The following MINDY2 variants were observed in gnomAD, a reference collection of about 807,000 sequenced individuals.
MINDY2 encodes MINDY lysine 48 deubiquitinase 2.
MINDY2 carries 52 observed loss-of-function variants against 68.2 expected under a neutral mutation model. The observed-to-expected ratio is 0.76, with a 90% confidence interval of 0.61 to 0.96. The LOEUF is 0.96. Among genes scored for constraint, MINDY2 ranks in the 40% least tolerant of loss-of-function variants. The pLI is 0.00. For synonymous variants in MINDY2, 372 were observed against 303.0 expected, an observed-to-expected ratio of 1.23 and a Z score of -2.36; for missense variants, 881 against 773.4, an observed-to-expected ratio of 1.14 and a Z score of -1.65.
chr15:58,812,969 C>G (rs2030400070), intron 4 of MINDY2, among the ~76,000 whole-genome samples: 2 of 152,204 alleles, frequency 1.3e-5, no homozygotes, highest in African/African-American at 4.8e-5. Flanking sequence ...CTCTCACACC[C>G]TTACCCTCTT....
At chr15:58,846,370 G>T (rs2032536754) in intron 6 of MINDY2, among the ~76,000 whole-genome samples, 1 of 152,026 alleles carries the variant, frequency 6.6e-6, no homozygotes, top group Non-Finnish European at 1.5e-5. Flanking sequence ...GAGGCGGGTG[G>T]ATCACGAGGT....
At chr15:58,798,043 C>T (rs1902398303) in intron 2 of MINDY2, among the ~76,000 whole-genome samples, 1 of 152,124 alleles carries the variant, frequency 6.6e-6, no homozygotes, top group Non-Finnish European at 1.5e-5. Flanking sequence ...AAAATACATC[C>T]CTCTTACACC....
rs431414 is a variant in MINDY2, at chr15:58,855,601, C to T, written c.*991C>T. 0.18 allele frequency: 27,956 copies of T among 152,576 alleles called. 2,867 individuals are homozygous for T. The highest frequency in any genetic ancestry group is 0.39 in the South Asian group (1,895 of 4,826). 9.5% of individuals were successfully genotyped at this position (152,576 alleles called of 1,614,324 possible). On this transcript the variant is annotated 3_prime_UTR_variant, in exon 9 of 9. Coordinates refer to ENST00000559228, the MANE Select transcript of MINDY2 (RefSeq NM_001040450.3). ...TCTGAAATGAAGTTAGAGATAATCT[C>T]TGTGTCTTATAAAAAGACATTAATA...
chr15:58,790,528 A>G (rs1349201111), intron 2 of MINDY2, among the ~76,000 whole-genome samples: 1 of 152,200 alleles, frequency 6.6e-6, no homozygotes, highest in Non-Finnish European at 1.5e-5. Flanking sequence ...GAGGACTGAC[A>G]TGATCTAACT....
intron 1 of MINDY2, among the ~76,000 whole-genome samples, chr15:58,783,726 TG>T (rs1259101169): frequency 6.6e-6 from 1 of 152,104 alleles, no homozygotes; most frequent in African/African-American, 2.4e-5. Flanking sequence ...AGCAGAAGTC[TG>T]GGCTCCTGCT....
At chr15:58,808,457 T>A (rs950588365) in intron 3 of MINDY2, among the ~76,000 whole-genome samples, 1 of 152,210 alleles carries the variant, frequency 6.6e-6, no homozygotes, top group African/African-American at 2.4e-5. Context: ...TTTGGAATTA[T>A]ACAGTATGTA....
intron 6 of MINDY2, among the ~76,000 whole-genome samples, chr15:58,832,329 C>T (rs1448560618): frequency 3.4e-5 from 5 of 148,670 alleles, no homozygotes; most frequent in Non-Finnish European, 7.4e-5. Context: ...CAGGTTCAGG[C>T]GCTTCTCCTA....
chr15:58,806,093 A>G (rs957035707), intron 3 of MINDY2, among the ~76,000 whole-genome samples: 3 of 152,338 alleles, frequency 2.0e-5, no homozygotes, highest in South Asian at 4.1e-4. Context: ...ACAAAAGAAA[A>G]GACAAAGTCT....
At chr15:58,848,799 T>G (rs1228493187) in intron 7 of MINDY2, among the ~76,000 whole-genome samples, 1 of 152,254 alleles carries the variant, frequency 6.6e-6, no homozygotes, top group Non-Finnish European at 1.5e-5. Flanking sequence ...TCTAGGACTT[T>G]TCTTTGAAAA....
intron 2 of MINDY2, among the ~76,000 whole-genome samples, chr15:58,795,019 C>T (rs1352690484): frequency 3.3e-5 from 5 of 151,496 alleles, no homozygotes; most frequent in African/African-American, 4.9e-5. Context: ...ACTAAAAATA[C>T]AAAAAAATTA....
At chr15:58,772,307 G>A (rs1202251176) in intron 1 of MINDY2, 72 bp downstream of exon 1, 1 of 1,580,694 alleles carries the variant, frequency 6.3e-7, no homozygotes, top group Non-Finnish European at 8.5e-7. Context: ...GCTGCTGCAT[G>A]TCAGGTGATG....
At chr15:58,850,019 G>C (rs1484165059) in intron 7 of MINDY2, among the ~76,000 whole-genome samples, 1 of 152,174 alleles carries the variant, frequency 6.6e-6, no homozygotes, top group Non-Finnish European at 1.5e-5. Flanking sequence ...TTACAGGCGT[G>C]AGCCACTGCA....
intron 6 of MINDY2, among the ~76,000 whole-genome samples, chr15:58,832,318 C>T (rs1412134034): frequency 6.7e-6 from 1 of 149,526 alleles, no homozygotes; most frequent in Non-Finnish European, 1.5e-5. Flanking sequence ...CCTCTGCCTC[C>T]CAGGTTCAGG....
intron 1 of MINDY2, among the ~76,000 whole-genome samples, chr15:58,786,989 C>G (rs1392472602): frequency 3.9e-5 from 6 of 152,066 alleles, no homozygotes; most frequent in Admixed American, 2.0e-4. Flanking sequence ...GCCACCATGC[C>G]CAGCTAATTT....
At chr15:58,854,382 C>G in intron 8 of MINDY2, 100 bp from the exon 9 acceptor site, 1 of 1,344,938 alleles carries the variant, frequency 7.4e-7, no homozygotes, top group Non-Finnish European at 1.0e-6. Flanking sequence ...CTTTTTCCAT[C>G]AGTGATTCCT....
chr15:58,783,989 G>C (rs1387986707), intron 1 of MINDY2, among the ~76,000 whole-genome samples: 1 of 151,976 alleles, frequency 6.6e-6, no homozygotes, highest in Admixed American at 6.6e-5. Flanking sequence ...AGTCGGAGTA[G>C]CTATTTTCTT....
At chr15:58,838,450 G>C (rs1443749270) in intron 6 of MINDY2, among the ~76,000 whole-genome samples, 1 of 151,886 alleles carries the variant, frequency 6.6e-6, no homozygotes, top group African/African-American at 2.4e-5. Flanking sequence ...CATCTAGATA[G>C]AATACTTTTC....
chr15:58,828,503 A>G (rs1399282750), intron 5 of MINDY2, among the ~76,000 whole-genome samples: 1 of 151,100 alleles, frequency 6.6e-6, no homozygotes, highest in Non-Finnish European at 1.5e-5. Flanking sequence ...GGCATTCATC[A>G]CTTTCATGTT....
rs144528494 is a variant in MINDY2, at chr15:58,799,369, C to T, written c.899-2944C>T. Reference sequence around the variant, plus strand: ...GATCACGAGGTCGGGAGATCGAGACCATCCTGGCTAACACAGTGAAACCCT... The same window carrying T: ...GATCACGAGGTCGGGAGATCGAGACTATCCTGGCTAACACAGTGAAACCCT... On this transcript the variant is annotated intron_variant, in intron 2 of 8. Coordinates refer to ENST00000559228, the MANE Select transcript of MINDY2 (RefSeq NM_001040450.3). Among the ~76,000 whole-genome samples the T allele has an allele frequency of 1.6e-3, 245 of 152,236 alleles. 1 individual carries two copies. Among genetic ancestry groups the T allele is most frequent in the African/African-American group, 5.5e-3 (229 of 41,568 alleles).
Sources: gnomAD v4.1 joint callset for allele counts (sites outside exome capture counted in the v4.1 genomes callset) on GRCh38, gnomAD v4.1.1 for gene constraint, MANE v1.5 for transcripts, NCBI Gene and HGNC (gene_info 2026-07-23, HGNC 2026-07-21) for gene names.